The following MARCHF4 variants were observed in gnomAD, a reference collection of about 807,000 sequenced individuals.
The protein encoded by MARCHF4 is membrane associated ring-CH-type finger 4, also known as E3 ubiquitin-protein ligase MARCHF4.
A neutral mutation model predicts 43.9 loss-of-function variants in MARCHF4; 14 were observed. The observed-to-expected ratio is 0.32, with a 90% CI of 0.21 to 0.50. MARCHF4 has a LOEUF of 0.50. Among genes scored for constraint, MARCHF4 ranks in the 20% least tolerant of loss-of-function variants. The pLI is 0.98. For missense variants in MARCHF4, 468 were observed against 536.7 expected (o/e 0.87, Z 1.27); for synonymous variants, 226 against 213.3 (o/e 1.06, Z -0.52).
intron 1 of MARCHF4, among the ~76,000 whole-genome samples, chr2:216,343,359 T>G (rs921256483): frequency 6.6e-6 from 1 of 152,186 alleles, no homozygotes; most frequent in Non-Finnish European, 1.5e-5. Flanking sequence ...TCTTGCTGTA[T>G]TCTTACATGG....
intron 1 of MARCHF4, among the ~76,000 whole-genome samples, chr2:216,298,831 C>T (rs1259760206): frequency 1.3e-5 from 2 of 151,746 alleles, no homozygotes; most frequent in East Asian, 3.8e-4. Flanking sequence ...CATGGTGATC[C>T]ATGATTTCAC....
intron 3 of MARCHF4, among the ~76,000 whole-genome samples, chr2:216,274,299 G>A (rs1690987808): frequency 6.6e-6 from 1 of 152,168 alleles, no homozygotes; most frequent in South Asian, 2.1e-4. Context: ...CCCAGAGGCT[G>A]TGGTTCCTGT....
chr2:216,352,527 T>C (rs1411048910), intron 1 of MARCHF4, among the ~76,000 whole-genome samples: 1 of 152,146 alleles, frequency 6.6e-6, no homozygotes, highest in Non-Finnish European at 1.5e-5. Flanking sequence ...TTTTTTGTTG[T>C]TGTTTTTTTA....
intron 1 of MARCHF4, among the ~76,000 whole-genome samples, chr2:216,339,633 ACAGGGAGT>A (rs997988828): frequency 1.3e-5 from 2 of 152,304 alleles, no homozygotes; most frequent in African/African-American, 4.8e-5. Flanking sequence ...TGGCATTAAC[ACAGGGAGT>A]CTGGCAGTTT....
At chr2:216,339,329 T>C (rs545900854) in intron 1 of MARCHF4, among the ~76,000 whole-genome samples, 1 of 152,246 alleles carries the variant, frequency 6.6e-6, no homozygotes, top group Non-Finnish European at 1.5e-5. Context: ...ATCTCCACCC[T>C]CCTACTTCCC....
At position 216,370,030 on chromosome 2, in the gene MARCHF4, G is replaced by A. The variant is rs1407031817; in HGVS notation, c.231C>T (p.Asn77=). The change falls in exon 1 of 4, where the codon AAC becomes AAT. Residue 77 remains asparagine, a synonymous_variant. Transcript: ENST00000273067. ...DPQPPGLAAN[N]TLPALGAGGW... ...CCCCGGCGCCCAGAGCCGGAAGGGT[G>A]TTGTTGGCCGCCAAACCGGGGGGCT... The A allele has an allele frequency of 3.2e-6, 5 of 1,549,294 alleles. No individual in the cohort carries two copies. The highest frequency in any genetic ancestry group is 4.4e-6 in the Non-Finnish European group (5 of 1,144,962).
chr2:216,344,768 A>G (rs775290349), intron 1 of MARCHF4, among the ~76,000 whole-genome samples: 7 of 151,728 alleles, frequency 4.6e-5, no homozygotes, highest in Non-Finnish European at 8.8e-5. Context: ...GCAAAGAGGA[A>G]GTGATTGAAG....
chr2:216,276,053 T>A (rs1366495097), intron 3 of MARCHF4, among the ~76,000 whole-genome samples: 1 of 152,188 alleles, frequency 6.6e-6, no homozygotes, highest in Non-Finnish European at 1.5e-5. Flanking sequence ...GAAATCAATG[T>A]TTGTTGTAAG....
chr2:216,276,636 T>C (rs543873399), intron 3 of MARCHF4, among the ~76,000 whole-genome samples: 16 of 152,212 alleles, frequency 1.1e-4, no homozygotes, highest in Non-Finnish European at 2.2e-4. Context: ...TTCTAGCTAA[T>C]AGATATTTTT....
intron 1 of MARCHF4, among the ~76,000 whole-genome samples, chr2:216,343,905 T>C (rs553726674): frequency 5.9e-5 from 9 of 152,126 alleles, no homozygotes; most frequent in Non-Finnish European, 1.0e-4. Context: ...GTAACTGCAA[T>C]TGAGGCAGGA....
chr2:216,306,240 C>G (rs1167354305), intron 1 of MARCHF4, among the ~76,000 whole-genome samples: 1 of 152,154 alleles, frequency 6.6e-6, no homozygotes, highest in African/African-American at 2.4e-5. Flanking sequence ...AATTTTTGAT[C>G]AATCTTTTAA....
At chr2:216,302,132 T>C (rs1396330465) in intron 1 of MARCHF4, among the ~76,000 whole-genome samples, 1 of 152,242 alleles carries the variant, frequency 6.6e-6, no homozygotes, top group South Asian at 2.1e-4. Flanking sequence ...TCTACTTCAT[T>C]AATACTTTAA....
At chr2:216,267,466 G>C (rs1009319989) in intron 3 of MARCHF4, among the ~76,000 whole-genome samples, 1 of 152,198 alleles carries the variant, frequency 6.6e-6, no homozygotes, top group Non-Finnish European at 1.5e-5. Context: ...CAAGGGGCCT[G>C]TGGAGCCCAG....
intron 1 of MARCHF4, among the ~76,000 whole-genome samples, chr2:216,335,161 C>T (rs2067878): frequency 0.14 from 20,613 of 152,204 alleles, 2,263 homozygotes; most frequent in African/African-American, 0.3. Flanking sequence ...AATCTGGATA[C>T]AGATTCGCTA....
Position 216,259,169 on chromosome 2 carries a change from C to T in MARCHF4, c.*143G>A, listed in dbSNP as rs1224463763. 2.0e-5 allele frequency: 25 copies of T among 1,256,116 alleles called. No individual in the cohort carries two copies. The highest frequency in any genetic ancestry group is 4.7e-5 in the Admixed American group (2 of 42,966). 77.8% of individuals were successfully genotyped at this position (1,256,116 alleles called of 1,614,324 possible). A position where few individuals can be genotyped will look rare whatever the true frequency, so the allele number is the denominator to read the frequency against. Reference sequence around the variant, plus strand: ...ACTGCTCCTGCACCAGCCTCACTCCCGCTCTGACACTACCCCAGGGCTCCC... The same window carrying T: ...ACTGCTCCTGCACCAGCCTCACTCCTGCTCTGACACTACCCCAGGGCTCCC... On this transcript the variant is annotated 3_prime_UTR_variant, in exon 4 of 4. Transcript: ENST00000273067.
At chr2:216,339,621 AGTGG>A (rs1236165067) in intron 1 of MARCHF4, among the ~76,000 whole-genome samples, 1 of 152,150 alleles carries the variant, frequency 6.6e-6, no homozygotes, top group African/African-American at 2.4e-5. Flanking sequence ...CAAGAGTGAA[AGTGG>A]CATTAACACA....
intron 3 of MARCHF4, among the ~76,000 whole-genome samples, chr2:216,267,401 C>T (rs770661069): frequency 1.3e-5 from 2 of 152,184 alleles, no homozygotes; most frequent in Non-Finnish European, 2.9e-5. Context: ...CAGAAGACGA[C>T]TTCTTCATGC....
At chr2:216,286,934 C>G (rs1253420870) in intron 1 of MARCHF4, among the ~76,000 whole-genome samples, 1 of 152,164 alleles carries the variant, frequency 6.6e-6, no homozygotes, top group African/African-American at 2.4e-5. Context: ...CCCCCTCTAC[C>G]CTAGTAAAAT....
intron 1 of MARCHF4, among the ~76,000 whole-genome samples, chr2:216,334,352 G>A (rs549726941): frequency 5.3e-5 from 8 of 152,026 alleles, no homozygotes; most frequent in Non-Finnish European, 8.8e-5. Context: ...CCAGCAACCC[G>A]AATGAGCAAA....
Sources: gnomAD v4.1 joint callset for allele counts (sites outside exome capture counted in the v4.1 genomes callset) on GRCh38, gnomAD v4.1.1 for gene constraint, MANE v1.5 for transcripts, NCBI Gene and HGNC (gene_info 2026-07-23, HGNC 2026-07-21) for gene names.